The following MSRA variants were observed in gnomAD, a reference collection of about 807,000 sequenced individuals.
MSRA encodes the protein methionine sulfoxide reductase A.
Under a neutral mutation model 31.3 loss-of-function variants are expected in MSRA, and 54 were observed. The observed-to-expected ratio is 1.73, with a 90% CI of 1.39 to 2.17. MSRA has a LOEUF of 2.17. Among genes scored for constraint, MSRA ranks in the 30% most tolerant of loss-of-function variants. The pLI is 0.00. For synonymous variants in MSRA, 169 were observed against 116.5 expected, an observed-to-expected ratio of 1.45 and a Z score of -2.90; for missense variants, 507 against 300.9, an observed-to-expected ratio of 1.69 and a Z score of -5.07.
At chr8:10,073,248 A>G (rs550156247) in intron 1 of MSRA, among the ~76,000 whole-genome samples, 1 of 152,342 alleles carries the variant, frequency 6.6e-6, no homozygotes, top group African/African-American at 2.4e-5. Flanking sequence ...TGTCAGCTGT[A>G]GGCTTTTTTG....
chr8:10,156,112 T>A (rs75666234), intron 1 of MSRA, among the ~76,000 whole-genome samples: 3,412 of 152,212 alleles, frequency 0.022, 123 homozygotes, highest in African/African-American at 0.077. Flanking sequence ...GAGAATGTCA[T>A]GAAGTACAGA....
intron 5 of MSRA, among the ~76,000 whole-genome samples, chr8:10,348,157 G>C (rs1198453164): frequency 1.3e-5 from 2 of 152,036 alleles, no homozygotes; most frequent in South Asian, 2.1e-4. Flanking sequence ...TAAATCCTGA[G>C]ACCATATAGA....
chr8:10,423,456 GGCA>G (rs1808934900), intron 5 of MSRA, among the ~76,000 whole-genome samples: 1 of 152,046 alleles, frequency 6.6e-6, no homozygotes, highest in Non-Finnish European at 1.5e-5. Flanking sequence ...CACCCATGCC[GGCA>G]CCTGCATAGC....
intron 5 of MSRA, among the ~76,000 whole-genome samples, chr8:10,424,179 G>C (rs1169300433): frequency 2.0e-5 from 3 of 152,224 alleles, no homozygotes; most frequent in African/African-American, 7.2e-5. Context: ...CGATGGAAAA[G>C]AGGAAAGGAC....
chr8:10,259,764 T>TGGAC (rs1333095108), intron 3 of MSRA, among the ~76,000 whole-genome samples: 6 of 152,160 alleles, frequency 3.9e-5, no homozygotes, highest in Non-Finnish European at 8.8e-5. Flanking sequence ...CTTTCCACCC[T>TGGAC]CTCCCGGACC....
At chr8:10,292,384 A>C (rs942892799) in intron 3 of MSRA, among the ~76,000 whole-genome samples, 6 of 152,240 alleles carry the variant, frequency 3.9e-5, no homozygotes, top group African/African-American at 1.2e-4. Flanking sequence ...CACTAAGCAC[A>C]TACTTGTAAG....
intron 3 of MSRA, among the ~76,000 whole-genome samples, chr8:10,253,072 G>A (rs188505817): frequency 1.3e-5 from 2 of 152,324 alleles, no homozygotes; most frequent in Admixed American, 1.3e-4. Context: ...CAGAGAGGGT[G>A]AGGATTTTCT....
chr8:10,058,316 A>G (rs1274108655), intron 1 of MSRA, among the ~76,000 whole-genome samples: 1 of 152,234 alleles, frequency 6.6e-6, no homozygotes, highest in Non-Finnish European at 1.5e-5. Context: ...AAAAGATGAA[A>G]GTACAAATAT....
At chr8:10,061,279 T>G (rs1189820124) in intron 1 of MSRA, among the ~76,000 whole-genome samples, 1 of 152,204 alleles carries the variant, frequency 6.6e-6, no homozygotes. Context: ...TCTTTTTACT[T>G]AGTCATTCAT....
At chr8:10,343,909 A>T (rs1432584267) in intron 5 of MSRA, among the ~76,000 whole-genome samples, 6 of 152,348 alleles carry the variant, frequency 3.9e-5, no homozygotes, top group African/African-American at 1.4e-4. Flanking sequence ...ATATGTGGGT[A>T]TCAATAATGA....
intron 1 of MSRA, among the ~76,000 whole-genome samples, chr8:10,175,271 C>A (rs186714804): frequency 1.3e-5 from 2 of 152,158 alleles, no homozygotes; most frequent in African/African-American, 4.8e-5. Flanking sequence ...CCTCTAGAAT[C>A]GATAATCTCT....
At chr8:10,425,871 A>G (rs191622898) in intron 5 of MSRA, among the ~76,000 whole-genome samples, 242 of 152,336 alleles carry the variant, frequency 1.6e-3, no homozygotes, top group African/African-American at 5.5e-3. Context: ...AAGAGATGAC[A>G]GATTATTTTA....
intron 3 of MSRA, among the ~76,000 whole-genome samples, chr8:10,300,639 G>C (rs956524713): frequency 5.3e-5 from 8 of 152,000 alleles, no homozygotes; most frequent in Non-Finnish European, 1.0e-4. Context: ...CACCCTCCTC[G>C]GCCTCTCAAA....
intron 2 of MSRA, among the ~76,000 whole-genome samples, chr8:10,225,607 A>C (rs938942410): frequency 6.6e-6 from 1 of 152,232 alleles, no homozygotes; most frequent in East Asian, 1.9e-4. Context: ...AGTCATAGAG[A>C]GGGACTTAAA....
rs1808655556 is a variant in MSRA, at chr8:10,419,067, GC to G, written c.544-9077del. Among the ~76,000 whole-genome samples the G allele has an allele frequency of 2.6e-5, 4 of 152,192 alleles. No homozygotes were observed. The South Asian group carries it at 8.3e-4, about 32-fold the overall frequency. Reference sequence around the variant, plus strand: ...GCACAAACACAGGGTGCACATGCAGGCCCCTCCCTCCCACGCATGTGCCCAC... The same window carrying G: ...GCACAAACACAGGGTGCACATGCAGGCCCTCCCTCCCACGCATGTGCCCAC... On this transcript the variant is annotated intron_variant, in intron 5 of 5. Coordinates refer to ENST00000317173, the MANE Select transcript of MSRA (RefSeq NM_012331.5).
intron 3 of MSRA, among the ~76,000 whole-genome samples, chr8:10,257,199 G>A (rs1442063858): frequency 1.3e-5 from 2 of 152,080 alleles, no homozygotes; most frequent in African/African-American, 4.8e-5. Context: ...ACAGACAGAA[G>A]CATTCAAGTG....
intron 1 of MSRA, among the ~76,000 whole-genome samples, chr8:10,106,157 G>T (rs956277519): frequency 1.3e-5 from 2 of 152,270 alleles, no homozygotes; most frequent in Middle Eastern, 3.4e-3. Flanking sequence ...GGGAAGAGTG[G>T]GCTTGCAAAC....
At chr8:10,289,454 G>C (rs1800115779) in intron 3 of MSRA, among the ~76,000 whole-genome samples, 1 of 152,020 alleles carries the variant, frequency 6.6e-6, no homozygotes, top group Admixed American at 6.6e-5. Flanking sequence ...GCAGTGTGTA[G>C]GAATCACATC....
chr8:10,110,317 G>T (rs1345842884), intron 1 of MSRA, among the ~76,000 whole-genome samples: 1 of 152,084 alleles, frequency 6.6e-6, no homozygotes, highest in African/African-American at 2.4e-5. Context: ...ATTATTTCTG[G>T]ATATTTTCAA....
Sources: allele counts gnomAD v4.1 joint callset (sites outside exome capture counted in the v4.1 genomes callset), GRCh38; gene constraint gnomAD v4.1.1; transcripts MANE v1.5; gene names NCBI Gene and HGNC (gene_info 2026-07-23, HGNC 2026-07-21).